The following SLC1A5 variants were observed in gnomAD, a reference collection of about 807,000 sequenced individuals.
SLC1A5 encodes solute carrier family 1 member 5, also known as neutral amino acid transporter B(0).
SLC1A5 carries 25 observed loss-of-function variants against 34.9 expected under a neutral mutation model. That is an observed-to-expected ratio of 0.72 (90% CI 0.52 to 1.00). The LOEUF (loss-of-function observed/expected upper bound fraction) is 1.00. Ranked by LOEUF, SLC1A5 falls within the 50% of genes least tolerant of loss-of-function variation. The pLI is 0.00. For missense variants in SLC1A5, 637 were observed against 740.0 expected (o/e 0.86, Z 1.61); for synonymous variants, 351 against 341.2 (o/e 1.03, Z -0.32).
chr19:46,778,097 G>A (rs1163212426), intron 5 of SLC1A5, among the ~76,000 whole-genome samples: 1 of 152,192 alleles, frequency 6.6e-6, no homozygotes, highest in Non-Finnish European at 1.5e-5. Flanking sequence ...GCCCAGGAGA[G>A]ACGGTGGAAG....
chr19:46,776,351 G>A (rs1278056193), intron 7 of SLC1A5, among the ~76,000 whole-genome samples: 2 of 151,690 alleles, frequency 1.3e-5, no homozygotes, highest in East Asian at 2.0e-4. Flanking sequence ...CAGGACAGGC[G>A]TACACCACCA....
intron 7 of SLC1A5, 100 bp downstream of exon 7, chr19:46,776,875 C>G: frequency 1.5e-6 from 2 of 1,297,600 alleles, no homozygotes; most frequent in Non-Finnish European, 2.1e-6. Flanking sequence ...CTTCCTTCTT[C>G]TCTTCCTCTT....
At position 46,784,254 on chromosome 19, in the gene SLC1A5, C is replaced by T. The variant is rs1359815985; in HGVS notation, c.610-110G>A. On this transcript the variant is annotated intron_variant, in intron 2 of 7. Transcript: ENST00000542575. ...CCCTTCCACATCCTTTCAATGTGAT[C>T]TCATTTCATCTGCTGGCAACCCCAT... The T allele has an allele frequency of 1.7e-5, 15 of 878,636 alleles. No individual in the cohort carries two copies. In the East Asian group the frequency reaches 3.8e-4, roughly 22 times the overall value. 54.4% of individuals were successfully genotyped at this position (878,636 alleles called of 1,614,324 possible). A position where few individuals can be genotyped will look rare whatever the true frequency, so the allele number is the denominator to read the frequency against.
rs1018447855 is a variant in SLC1A5, at chr19:46,787,245, G to C, written c.566+155C>G. The C allele has an allele frequency of 1.4e-6, 2 of 1,440,276 alleles. No homozygotes were observed. Among genetic ancestry groups the C allele is most frequent in the Non-Finnish European group, 1.8e-6 (2 of 1,097,728 alleles). The allele number at this position is 1,440,276 out of a possible 1,614,324, so 89.2% of individuals were successfully genotyped here. On this transcript the variant is annotated intron_variant, in intron 1 of 7. Transcript: ENST00000542575. This position sits in a 1 kb window ranked among gnomAD's most constrained non-coding sequence, Gnocchi z 5.2. ...CCCAGGAGACTAGACTCACACTCCC[G>C]AGGGCTGGAGCCTCCCCTCAATATC...
At position 46,777,306 on chromosome 19, in the gene SLC1A5, G is replaced by A. The variant is rs140659952; in HGVS notation, c.1158C>T (p.Asn386=). The A allele has an allele frequency of 2.6e-4, 412 of 1,613,672 alleles. 1 individual carries two copies. The South Asian group carries it at 4.1e-3, about 16-fold the overall frequency. Residue 386 remains asparagine (N), a synonymous_variant, in exon 6 of 8, where the codon AAC becomes AAT. Coordinates refer to ENST00000542575, the MANE Select transcript of SLC1A5 (RefSeq NM_005628.3). ...ACTGGAAGAGCGCGGCACCGTCCAT[G>A]TTGACGGTGGCGCCGATGGGCAGGA... ...RFILPIGATV[N]MDGAALFQCV... is the part of the protein sequence containing the mutation.
chr19:46,784,834 CG>C (rs1568430835), intron 1 of SLC1A5: 1 of 1,413,042 alleles, frequency 7.1e-7, no homozygotes, highest in Admixed American at 3.0e-5. Flanking sequence ...TGGCCTCCCA[CG>C]GCAGGCCAGG....
At position 46,778,718 on chromosome 19, in the gene SLC1A5, C is replaced by T. The variant is rs1405499831; in HGVS notation, c.1015G>A (p.Gly339Ser). ...TRKNPYRFLW[G>S]IVTPLATAFG... is the part of the protein sequence containing the mutation. ...GCAGTGGCCAGCGGCGTCACGATGC[C>T]CCACAGGAAGCGGTAGGGGTTTTTG... Residue 339 changes from glycine (G) to serine (S), a missense_variant, in exon 5 of 8, where the codon GGC becomes AGC. Coordinates refer to ENST00000542575, the MANE Select transcript of SLC1A5 (RefSeq NM_005628.3). 1 of 1,613,844 alleles carries T rather than the reference C, an allele frequency of 6.2e-7. No homozygotes were observed. The highest frequency in any genetic ancestry group is 1.1e-5 in the South Asian group (1 of 91,072).
intron 7 of SLC1A5, among the ~76,000 whole-genome samples, 164 bp from the exon 8 acceptor site, chr19:46,775,911 T>C (rs1417490879): frequency 1.4e-5 from 2 of 148,052 alleles, no homozygotes; most frequent in Non-Finnish European, 3.0e-5. Flanking sequence ...CATCTTTATA[T>C]ATATTTAAAA....
At position 46,787,441 on chromosome 19, in the gene SLC1A5, G is replaced by A; in HGVS notation, c.525C>T (p.Ala175=). 1.2e-6 allele frequency: 2 copies of A among 1,601,636 alleles called. No homozygotes were observed. The highest frequency in any genetic ancestry group is 1.7e-6 in the Non-Finnish European group (2 of 1,175,030). Residue 175 remains alanine (A), a synonymous_variant, in exon 1 of 8, where the codon GCC becomes GCT. Coordinates refer to ENST00000542575, the MANE Select transcript of SLC1A5 (RefSeq NM_005628.3). The surrounding 1 kb of genome is among the most constrained non-coding windows in gnomAD (Gnocchi z 5.2). Reference sequence around the variant, plus strand: ...ACGAATCGAGCACCTCCTTGCTGGGGGCATTTTCGGCACTGCCCGCGGCTC... The same window carrying A: ...ACGAATCGAGCACCTCCTTGCTGGGAGCATTTTCGGCACTGCCCGCGGCTC... ...SVGAAGSAEN[A]PSKEVLDSFL...
In SLC1A5 at chr19:46,777,311, C is replaced by T. The variant is rs551724133; in HGVS notation, c.1153G>A (p.Val385Ile). The change falls in exon 6 of 8, where the codon GTC becomes ATC. Residue 385 changes from valine (V) to isoleucine (I), a missense_variant. Transcript: ENST00000542575. ...SRFILPIGAT[V>I]NMDGAALFQC... ...AAGAGCGCGGCACCGTCCATGTTGA[C>T]GGTGGCGCCGATGGGCAGGATGAAA... The T allele has an allele frequency of 5.0e-6, 8 of 1,613,686 alleles. No individual in the cohort carries two copies. The highest frequency in any genetic ancestry group is 2.2e-5 in the East Asian group (1 of 44,882).
At chr19:46,784,705 C>T in intron 1 of SLC1A5, 146 bp from the exon 2 acceptor site, 1 of 1,557,310 alleles carries the variant, frequency 6.4e-7, no homozygotes, top group South Asian at 1.2e-5. Context: ...CATGCCTCAG[C>T]CCGGCAGGGT....
At chr19:46,781,105 C>G (rs2055142528) in intron 4 of SLC1A5, among the ~76,000 whole-genome samples, 2 of 152,194 alleles carry the variant, frequency 1.3e-5, no homozygotes, top group South Asian at 4.1e-4. Flanking sequence ...CCCAGCAACC[C>G]CCGGAGGGAG....
chr19:46,784,776 G>A, intron 1 of SLC1A5: 1 of 1,449,028 alleles, frequency 6.9e-7, no homozygotes, highest in Non-Finnish European at 9.1e-7. Flanking sequence ...AGCCCCAAGA[G>A]GCTGGCGTGC....
At chr19:46,782,346 A>ACCCCCCCCCCCCCCCCCCCCCAGC in intron 4 of SLC1A5, 37 bp downstream of exon 4, 1 of 567,986 alleles carries the variant, frequency 1.8e-6, no homozygotes, top group East Asian at 3.6e-5. Flanking sequence ...CGACCCTCCA[A>ACCCCCCCCCCCCCCCCCCCCCAGC]CCCCACCCAC....
intron 1 of SLC1A5, chr19:46,784,804 G>C (rs2055175216): frequency 7.0e-7 from 1 of 1,425,038 alleles, no homozygotes; most frequent in African/African-American, 1.4e-5. Flanking sequence ...GAGGCATTGT[G>C]GGTTCGGGGT....
intron 3 of SLC1A5, among the ~76,000 whole-genome samples, chr19:46,783,280 A>G (rs996315424): frequency 1.3e-5 from 2 of 152,092 alleles, no homozygotes; most frequent in Non-Finnish European, 2.9e-5. Flanking sequence ...ACTGACCAAC[A>G]TGGAGAAACC....
intron 4 of SLC1A5, among the ~76,000 whole-genome samples, chr19:46,780,435 C>A (rs889987859): frequency 1.3e-5 from 2 of 151,922 alleles, no homozygotes; most frequent in Admixed American, 6.6e-5. Context: ...CTCACTACAA[C>A]CTTTGCCTCC....
At position 46,775,459 on chromosome 19, in the gene SLC1A5, C is replaced by G. The variant is rs2055077888; in HGVS notation, c.*51G>C. The stretch of plus-strand genomic sequence containing the variant: ...CATCCATTTATCCATTCCTCATAAT[C>G]CAGTGTCCAAAGAGCACCCCCAGCA... On this transcript the variant is annotated 3_prime_UTR_variant, in exon 8 of 8. Transcript: ENST00000542575. The G allele has an allele frequency of 6.4e-7, 1 of 1,557,398 alleles. No homozygotes were observed. Among genetic ancestry groups the G allele is most frequent in the Non-Finnish European group, 8.7e-7 (1 of 1,153,748 alleles).
Position 46,777,390 on chromosome 19 carries a change from C to A in SLC1A5, c.1074G>T (p.Pro358=). ...TCTCCTCCACGCACTTCATCATCAGCGGCAGCGTGGCGGAACTGCAAGGGA... is the reference window on the plus strand; with the variant it reads ...TCTCCTCCACGCACTTCATCATCAGAGGCAGCGTGGCGGAACTGCAAGGGA... The part of the protein sequence containing the change: ...FGTSSSSATL[P]LMMKCVEENN... The change falls in exon 6 of 8, where the codon CCG becomes CCT. Residue 358 remains proline, a synonymous_variant. Transcript: ENST00000542575. The A allele has an allele frequency of 2.5e-6, 4 of 1,608,840 alleles. No individual in the cohort carries two copies. Among genetic ancestry groups the A allele is most frequent in the Non-Finnish European group, 3.4e-6 (4 of 1,177,640 alleles).
Sources: gnomAD v4.1 joint callset for allele counts (sites outside exome capture counted in the v4.1 genomes callset) on GRCh38, gnomAD v4.1.1 for gene constraint, Gnocchi (gnomAD v3.1) non-coding constraint, MANE v1.5 for transcripts, NCBI Gene and HGNC (gene_info 2026-07-23, HGNC 2026-07-21) for gene names.